NECAB1: variants seen among roughly 807,000 people sequenced by gnomAD.
The protein encoded by NECAB1 is N-terminal EF-hand calcium binding protein 1, also known as N-terminal EF-hand calcium-binding protein 1.
Under a neutral mutation model 57.5 loss-of-function variants are expected in NECAB1, and 29 were observed. The ratio of observed to expected loss-of-function variants is 0.50; its 90% confidence interval spans 0.38 to 0.69. The LOEUF is 0.69. Ranked by LOEUF, NECAB1 falls within the 30% of genes least tolerant of loss-of-function variation. The pLI is 0.00. For missense variants in NECAB1, 372 were observed against 413.8 expected, an observed-to-expected ratio of 0.90 and a Z score of 0.88; for synonymous variants, 142 against 147.7, an observed-to-expected ratio of 0.96 and a Z score of 0.28.
intron 6 of NECAB1, among the ~76,000 whole-genome samples, chr8:90,919,282 T>C (rs112829047): frequency 6.6e-5 from 10 of 152,256 alleles, no homozygotes; most frequent in African/African-American, 1.9e-4. Flanking sequence ...TTTAAACTTA[T>C]AGATGTGCTT....
chr8:90,894,129 A>G (rs540370839), intron 5 of NECAB1, among the ~76,000 whole-genome samples: 3 of 152,342 alleles, frequency 2.0e-5, no homozygotes, highest in East Asian at 3.9e-4. Context: ...TAGCATAAAT[A>G]TCATATAAAG....
intron 8 of NECAB1, among the ~76,000 whole-genome samples, chr8:90,932,807 T>C (rs143578872): frequency 3.3e-5 from 5 of 152,342 alleles, no homozygotes; most frequent in South Asian, 2.1e-4. Context: ...ATAATCCTCA[T>C]TGGAAACAAT....
intron 8 of NECAB1, among the ~76,000 whole-genome samples, chr8:90,929,127 A>G (rs1810347058): frequency 6.6e-6 from 1 of 152,180 alleles, no homozygotes; most frequent in Non-Finnish European, 1.5e-5. Context: ...TAAAAATTAT[A>G]TGGTAGCACA....
chr8:90,835,191 T>C lies in NECAB1; in HGVS notation c.233+10366T>C, dbSNP rs114426972. On this transcript the variant is annotated intron_variant, in intron 3 of 12. Coordinates refer to ENST00000417640, the MANE Select transcript of NECAB1 (RefSeq NM_022351.5). The stretch of plus-strand genomic sequence containing the variant: ...GAGGCCATAACTATCTTGCTTTTCA[T>C]TGATTCTCAGCATAGTGTTTAGCAC... 2.4e-3 allele frequency among the ~76,000 whole-genome samples: 368 copies of C among 152,282 alleles called. 1 individual carries two copies. The highest frequency in any genetic ancestry group is 8.4e-3 in the African/African-American group (349 of 41,564).
rs537378467 is a variant in NECAB1 at position 90,946,186 on chromosome 8, A to G, written c.861-3621A>G. Among the ~76,000 whole-genome samples the G allele has an allele frequency of 1.8e-4, 28 of 152,352 alleles. No individual in the cohort carries two copies. In the South Asian group the frequency reaches 3.5e-3, roughly 19 times the overall value. ...TTGGTCTTTTTGGCCCTTAACTGAA[A>G]GTACCCATTCTGTAAAGCAATTCTG... On this transcript the variant is annotated intron_variant, in intron 10 of 12. Coordinates refer to ENST00000417640, the MANE Select transcript of NECAB1 (RefSeq NM_022351.5).
chr8:90,902,176 T>G, intron 5 of NECAB1, among the ~76,000 whole-genome samples: 1 of 152,138 alleles, frequency 6.6e-6, no homozygotes, highest in Non-Finnish European at 1.5e-5. Context: ...TCCCAGCACT[T>G]TGGGAGGCCG....
chr8:90,848,078 T>G (rs1306622817), intron 3 of NECAB1, among the ~76,000 whole-genome samples: 2 of 152,210 alleles, frequency 1.3e-5, no homozygotes, highest in Admixed American at 1.3e-4. Flanking sequence ...TTTTCCAAAC[T>G]TTTATGGTTT....
chr8:90,871,794 A>G (rs937356862), intron 3 of NECAB1, among the ~76,000 whole-genome samples: 8 of 152,154 alleles, frequency 5.3e-5, no homozygotes, highest in Non-Finnish European at 5.9e-5. Flanking sequence ...TAAAGTAGCC[A>G]GAGTCATATA....
At chr8:90,808,858 GC>G in intron 2 of NECAB1, among the ~76,000 whole-genome samples, 1 of 151,972 alleles carries the variant, frequency 6.6e-6, no homozygotes, top group Non-Finnish European at 1.5e-5. Flanking sequence ...TGCTGGTCAG[GC>G]TGGTCTCGAA....
chr8:90,848,158 C>G (rs1812604420), intron 3 of NECAB1, among the ~76,000 whole-genome samples: 1 of 152,174 alleles, frequency 6.6e-6, no homozygotes, highest in Non-Finnish European at 1.5e-5. Flanking sequence ...CTCTCAAGTT[C>G]AAAATTCCAC....
At chr8:90,857,531 C>T (rs1333785291) in intron 3 of NECAB1, among the ~76,000 whole-genome samples, 4 of 152,042 alleles carry the variant, frequency 2.6e-5, no homozygotes, top group African/African-American at 9.7e-5. Flanking sequence ...TTGTAAAATG[C>T]TTTACTCAAT....
At chr8:90,828,569 A>C (rs1812259298) in intron 3 of NECAB1, among the ~76,000 whole-genome samples, 1 of 152,050 alleles carries the variant, frequency 6.6e-6, no homozygotes, top group South Asian at 2.1e-4. Flanking sequence ...TATATCCTGA[A>C]GATTTCATTC....
intron 4 of NECAB1, among the ~76,000 whole-genome samples, chr8:90,877,658 G>T (rs1049852530): frequency 4.7e-4 from 71 of 152,166 alleles, no homozygotes; most frequent in African/African-American, 1.7e-3. Context: ...AATGCTGCTG[G>T]TCCACAAAAC....
chr8:90,903,240 G>A (rs866249003), intron 5 of NECAB1, among the ~76,000 whole-genome samples: 2 of 151,784 alleles, frequency 1.3e-5, no homozygotes, highest in African/African-American at 2.4e-5. Context: ...GTTATACAAC[G>A]ACCACTGCAA....
At chr8:90,912,127 T>C (rs1022145750) in intron 5 of NECAB1, among the ~76,000 whole-genome samples, 2 of 152,158 alleles carry the variant, frequency 1.3e-5, no homozygotes, top group African/African-American at 4.8e-5. Context: ...TAGTAGTTAA[T>C]CTCAGATTTG....
chr8:90,950,631 T>C (rs2130273608), intron 11 of NECAB1, among the ~76,000 whole-genome samples: 1 of 152,230 alleles, frequency 6.6e-6, no homozygotes, highest in Middle Eastern at 3.4e-3. Context: ...AAGTTTTATT[T>C]TTGTGGCAAT....
At chr8:90,940,982 G>A in intron 10 of NECAB1, 84 bp downstream of exon 10, 1 of 984,778 alleles carries the variant, frequency 1.0e-6, no homozygotes, top group Non-Finnish European at 1.6e-6. Flanking sequence ...CAAGGCTGGG[G>A]GTCTAGAAGA....
chr8:90,856,520 A>T (rs1482488085), intron 3 of NECAB1, among the ~76,000 whole-genome samples: 1 of 152,208 alleles, frequency 6.6e-6, no homozygotes, highest in Non-Finnish European at 1.5e-5. Context: ...GAGCTTACTA[A>T]AGTTGATACT....
At chr8:90,856,819 C>A (rs1012601192) in intron 3 of NECAB1, among the ~76,000 whole-genome samples, 3 of 152,182 alleles carry the variant, frequency 2.0e-5, no homozygotes, top group African/African-American at 7.2e-5. Flanking sequence ...ATCAAGGTAG[C>A]TTAGTAAAAC....
Sources: allele counts gnomAD v4.1 joint callset (sites outside exome capture counted in the v4.1 genomes callset), GRCh38; gene constraint gnomAD v4.1.1; transcripts MANE v1.5; gene names NCBI Gene and HGNC (gene_info 2026-07-23, HGNC 2026-07-21).